The following CCSER1 variants were observed in gnomAD, a reference collection of about 807,000 sequenced individuals.
CCSER1 encodes the protein serine-rich coiled-coil domain-containing protein 1.
In CCSER1, 41 loss-of-function variants were observed where a neutral mutation model predicts 82.0. The ratio of observed to expected loss-of-function variants is 0.50; its 90% CI spans 0.39 to 0.65. The LOEUF (loss-of-function observed/expected upper bound fraction) is 0.65. CCSER1 is among the 30% of genes least tolerant of loss of function. The pLI is 0.00. For synonymous variants in CCSER1, 414 were observed against 383.9 expected (o/e 1.08, Z -0.92); for missense variants, 1,119 against 1,064.2 (o/e 1.05, Z -0.72).
intron 10 of CCSER1, among the ~76,000 whole-genome samples, chr4:91,391,948 A>C (rs1751675620): frequency 6.6e-6 from 1 of 152,128 alleles, no homozygotes; most frequent in African/African-American, 2.4e-5. Flanking sequence ...GTACATATAC[A>C]CATAAACATA....
intron 1 of CCSER1, among the ~76,000 whole-genome samples, chr4:90,250,230 A>G (rs1182516099): frequency 6.6e-6 from 1 of 151,944 alleles, no homozygotes; most frequent in African/African-American, 2.4e-5. Context: ...GGTAATTTTG[A>G]TGAAGTCTAA....
In CCSER1 at chr4:91,001,409, A is replaced by C. The variant is rs571976262; in HGVS notation, c.2172+77962A>C. On this transcript the variant is annotated intron_variant, in intron 9 of 10. Coordinates refer to ENST00000509176, the MANE Select transcript of CCSER1 (RefSeq NM_001145065.2). ...CTTTGGCAGGTTTGGTATCAGGGTG[A>C]TGCTGGCTTCATAGAATGAGTTGAG... 1.1e-4 allele frequency among the ~76,000 whole-genome samples: 16 copies of C among 152,182 alleles called. No homozygotes were observed. In the East Asian group the frequency reaches 1.5e-3, roughly 15 times the overall value.
intron 7 of CCSER1, among the ~76,000 whole-genome samples, chr4:90,784,187 A>G (rs1754173166): frequency 6.6e-6 from 1 of 152,178 alleles, no homozygotes. Context: ...TTCTGAGTGA[A>G]GAAGTGCTCA....
intron 4 of CCSER1, among the ~76,000 whole-genome samples, chr4:90,417,533 G>A (rs999183110): frequency 2.6e-5 from 4 of 151,932 alleles, no homozygotes; most frequent in African/African-American, 9.7e-5. Context: ...ATGGTCATTT[G>A]GATGATAGAA....
chr4:91,253,482 T>C lies in CCSER1; in HGVS notation c.2217+167488T>C, dbSNP rs1174208929. Among the ~76,000 whole-genome samples the C allele has an allele frequency of 2.0e-5, 3 of 152,222 alleles. No individual in the cohort carries two copies. The East Asian group carries it at 5.8e-4, about 29-fold the overall frequency. On this transcript the variant is annotated intron_variant, in intron 10 of 10. Coordinates refer to ENST00000509176, the MANE Select transcript of CCSER1 (RefSeq NM_001145065.2). The stretch of plus-strand genomic sequence containing the variant: ...CTGTTCGTGGGTAAAATGTATATGC[T>C]ATCTATAAAGGAATCACTTTAGAAC...
intron 5 of CCSER1, among the ~76,000 whole-genome samples, chr4:90,579,919 T>C (rs1419412272): frequency 6.6e-6 from 1 of 152,170 alleles, no homozygotes; most frequent in Non-Finnish European, 1.5e-5. Context: ...ACTGAATTAT[T>C]ATGTAGCTAT....
At chr4:90,352,263 G>C (rs998925371) in intron 3 of CCSER1, among the ~76,000 whole-genome samples, 13 of 152,154 alleles carry the variant, frequency 8.5e-5, no homozygotes, top group African/African-American at 3.1e-4. Context: ...GGCCGAGCTT[G>C]CAATGAGCTG....
chr4:91,474,187 C>G (rs1197175237), intron 10 of CCSER1, among the ~76,000 whole-genome samples: 1 of 151,818 alleles, frequency 6.6e-6, no homozygotes, highest in East Asian at 1.9e-4. Context: ...GATTAAGATT[C>G]AATTCACAGT....
chr4:90,488,842 C>G (rs906283350), intron 5 of CCSER1, among the ~76,000 whole-genome samples: 1 of 152,018 alleles, frequency 6.6e-6, no homozygotes, highest in African/African-American at 2.4e-5. Context: ...TCTTTTAGAA[C>G]CATCAATTAA....
chr4:91,588,693 G>A (rs916118341), intron 10 of CCSER1, among the ~76,000 whole-genome samples: 1 of 151,674 alleles, frequency 6.6e-6, no homozygotes, highest in Non-Finnish European at 1.5e-5. Context: ...GTAGTATTAT[G>A]TTCACCAAAC....
At chr4:91,569,409 G>A (rs1258549155) in intron 10 of CCSER1, among the ~76,000 whole-genome samples, 1 of 152,126 alleles carries the variant, frequency 6.6e-6, no homozygotes, top group African/African-American at 2.4e-5. Context: ...GGATTGTTTG[G>A]TTGTCTCCTG....
At chr4:91,538,316 A>G (rs1761400938) in intron 10 of CCSER1, among the ~76,000 whole-genome samples, 1 of 152,014 alleles carries the variant, frequency 6.6e-6, no homozygotes, top group African/African-American at 2.4e-5. Context: ...TGGATAATTG[A>G]AAAAAAGTTA....
chr4:90,560,621 C>T (rs964107850), intron 5 of CCSER1, among the ~76,000 whole-genome samples: 1 of 152,084 alleles, frequency 6.6e-6, no homozygotes, highest in Non-Finnish European at 1.5e-5. Context: ...GGATTTTAAT[C>T]TGTTAATTAA....
rs1764774014 is a variant in CCSER1 at position 91,600,393 on chromosome 4, A to G, written c.*1336A>G. On this transcript the variant is annotated 3_prime_UTR_variant, in exon 11 of 11. Coordinates refer to ENST00000509176, the MANE Select transcript of CCSER1 (RefSeq NM_001145065.2). Reference sequence around the variant, plus strand: ...AATCAAGGCTGCAGTTTTCTTATACACATCAGAGCTGTTAAGTACATCCAC... The same window carrying G: ...AATCAAGGCTGCAGTTTTCTTATACGCATCAGAGCTGTTAAGTACATCCAC... 6.6e-6 allele frequency: 1 copy of G among 152,182 alleles called. No individual in the cohort carries two copies. The highest frequency in any genetic ancestry group is 6.6e-5 in the Admixed American group (1 of 15,260). The allele number at this position is 152,182 out of a possible 1,614,324, so 9.4% of individuals were successfully genotyped here.
At chr4:90,851,064 A>G (rs1355783310) in intron 8 of CCSER1, among the ~76,000 whole-genome samples, 1 of 152,180 alleles carries the variant, frequency 6.6e-6, no homozygotes, top group African/African-American at 2.4e-5. Flanking sequence ...TTCACTCCAC[A>G]TTCATTCTTT....
intron 1 of CCSER1, among the ~76,000 whole-genome samples, chr4:90,253,454 T>G (rs1244845814): frequency 6.6e-6 from 1 of 152,172 alleles, no homozygotes; most frequent in Non-Finnish European, 1.5e-5. Context: ...GAAAGATTGT[T>G]TCAATATGAA....
At chr4:90,357,611 G>T (rs1744599388) in intron 3 of CCSER1, among the ~76,000 whole-genome samples, 1 of 151,904 alleles carries the variant, frequency 6.6e-6, no homozygotes, top group Admixed American at 6.6e-5. Flanking sequence ...ATTTTTAATA[G>T]AATTTTCACT....
At chr4:90,208,189 G>T (rs1464267761) in intron 1 of CCSER1, among the ~76,000 whole-genome samples, 1 of 152,078 alleles carries the variant, frequency 6.6e-6, no homozygotes, top group African/African-American at 2.4e-5. Flanking sequence ...TTTCAGAGAT[G>T]CCCTACACAG....
intron 10 of CCSER1, among the ~76,000 whole-genome samples, chr4:91,546,061 G>C (rs749696286): frequency 6.6e-6 from 1 of 151,366 alleles, no homozygotes; most frequent in Non-Finnish European, 1.5e-5. Flanking sequence ...TTATTCTTTT[G>C]CCTGCTGGTA....
Sources: allele counts gnomAD v4.1 joint callset (sites outside exome capture counted in the v4.1 genomes callset), GRCh38; gene constraint gnomAD v4.1.1; transcripts MANE v1.5; gene names NCBI Gene and HGNC (gene_info 2026-07-23, HGNC 2026-07-21).